OPRK1: variants seen among roughly 807,000 people sequenced by gnomAD.
The protein encoded by OPRK1 is kappa-type opioid receptor.
OPRK1 carries 15 observed loss-of-function variants against 24.5 expected under a neutral mutation model. The observed-to-expected ratio is 0.61, with a 90% CI of 0.41 to 0.94. The LOEUF is 0.94. Ranked by LOEUF, OPRK1 falls within the 40% of genes least tolerant of loss-of-function variation. The pLI is 0.00. For synonymous variants in OPRK1, 205 were observed against 198.0 expected (o/e 1.04, Z -0.30); for missense variants, 479 against 507.3 (o/e 0.94, Z 0.54).
chr8:53,242,785 C>T (rs1268542477), intron 2 of OPRK1: 1 of 1,207,622 alleles, frequency 8.3e-7, no homozygotes, highest in Non-Finnish European at 1.1e-6. Flanking sequence ...GGATTACGGG[C>T]CTGAGCCACC....
intron 3 of OPRK1, among the ~76,000 whole-genome samples, chr8:53,232,697 C>A (rs1806884764): frequency 6.6e-6 from 1 of 152,118 alleles, no homozygotes; most frequent in South Asian, 2.1e-4. Flanking sequence ...TATCAGAGGG[C>A]TGTGGCTTCT....
At chr8:53,244,043 GAGA>G (rs771028927) in intron 2 of OPRK1, among the ~76,000 whole-genome samples, 13 of 152,200 alleles carry the variant, frequency 8.5e-5, no homozygotes, top group Non-Finnish European at 1.5e-4. Context: ...TTCAATGATG[GAGA>G]AGAAGAAACT....
intron 3 of OPRK1, among the ~76,000 whole-genome samples, chr8:53,232,900 A>G (rs1806890874): frequency 6.6e-6 from 1 of 152,246 alleles, no homozygotes; most frequent in African/African-American, 2.4e-5. Flanking sequence ...ACACACATAT[A>G]CTACAGTATG....
Position 53,234,922 on chromosome 8 carries a change from C to T in OPRK1, c.447G>A (p.Leu149=), listed in dbSNP as rs1306799087. 1.2e-6 allele frequency: 2 copies of T among 1,613,972 alleles called. No individual in the cohort carries two copies. The highest frequency in any genetic ancestry group is 2.7e-5 in the African/African-American group (2 of 74,878). Residue 149 remains leucine (L), a synonymous_variant, in exon 3 of 4, where the codon TTG becomes TTA. Coordinates refer to ENST00000265572, the MANE Select transcript of OPRK1 (RefSeq NM_000912.5). The part of the protein sequence containing the change: ...YYNMFTSIFT[L]TMMSVDRYIA... ...TGTAGCGGTCCACGCTCATCATGGT[C>T]AAGGTGAAGATGCTGGTGAACATGT...
chr8:53,227,895 G>A lies in OPRK1; in HGVS notation c.*1402C>T, dbSNP rs201762918. 1 of 152,176 alleles carries A rather than the reference G, an allele frequency of 6.6e-6. No individual in the cohort carries two copies. Among genetic ancestry groups the A allele is most frequent in the Middle Eastern group, 3.4e-3 (1 of 292 alleles). 9.4% of individuals were successfully genotyped at this position (152,176 alleles called of 1,614,324 possible). On this transcript the variant is annotated 3_prime_UTR_variant, in exon 4 of 4. Transcript: ENST00000265572. ...CCCTAGTAATATATAGGCTTGGAGT[G>A]TTATTTCTAAATTATCCCTTTTTTC... is the stretch of plus-strand genomic sequence containing the variant.
chr8:53,239,363 C>G (rs62505379), intron 2 of OPRK1, among the ~76,000 whole-genome samples: 18,206 of 152,160 alleles, frequency 0.12, 1,454 homozygotes, highest in African/African-American at 0.24. Context: ...AGGAAATCAG[C>G]ACATATTCTG....
intron 3 of OPRK1, among the ~76,000 whole-genome samples, chr8:53,232,870 T>C (rs114406138): frequency 0.019 from 2,821 of 152,332 alleles, 91 homozygotes; most frequent in African/African-American, 0.064. Flanking sequence ...AAGAGCAGAC[T>C]ATGAATCCTC....
chr8:53,233,707 A>T (rs957302524), intron 3 of OPRK1, among the ~76,000 whole-genome samples: 3 of 152,164 alleles, frequency 2.0e-5, no homozygotes, highest in African/African-American at 7.2e-5. Context: ...AAACTCCTAG[A>T]ACAGTACCTC....
At chr8:53,242,821 A>G in intron 2 of OPRK1, 3 of 1,256,220 alleles carry the variant, frequency 2.4e-6, no homozygotes, top group Non-Finnish European at 2.1e-6. Context: ...AGCCATTCTT[A>G]ATCCAAGGCT....
In OPRK1 at chr8:53,234,813, A is replaced by T; in HGVS notation, c.556T>A (p.Ser186Thr). 6.2e-7 allele frequency: 1 copy of T among 1,614,240 alleles called. No homozygotes were observed. The highest frequency in any genetic ancestry group is 8.5e-7 in the Non-Finnish European group (1 of 1,180,046). The stretch of plus-strand genomic sequence containing the variant: ...ATTGCAGAGATGCCAACAGATGACG[A>T]CAGCAGCCAGATGCAGATATTGATG... ...KIINICIWLLSSSVGISAIVL... is the reference protein window; with the variant it reads ...KIINICIWLLTSSVGISAIVL... The change falls in exon 3 of 4, where the codon TCG becomes ACG. Residue 186 changes from serine (S) to threonine (T), a missense_variant. Ser to Thr is a moderately conservative substitution (Grantham distance 58, BLOSUM62 1). Transcript: ENST00000265572.
chr8:53,251,085 G>T lies in OPRK1; in HGVS notation c.-48C>A. The stretch of plus-strand genomic sequence containing the variant: ...GGCGAGGACAGGCGGCACCTGCGGC[G>T]CTGCGGGAGCGAAAGAACCGGCTGG... On this transcript the variant is annotated splice_region_variant and 5_prime_UTR_variant, in exon 2 of 4. Coordinates refer to ENST00000265572, the MANE Select transcript of OPRK1 (RefSeq NM_000912.5). The T allele has an allele frequency of 2.1e-6, 3 of 1,440,242 alleles. No individual in the cohort carries two copies. The highest frequency in any genetic ancestry group is 1.8e-6 in the Non-Finnish European group (2 of 1,103,482). 89.2% of individuals were successfully genotyped at this position (1,440,242 alleles called of 1,614,324 possible). A position where few individuals can be genotyped will look rare whatever the true frequency, so the allele number is the denominator to read the frequency against.
chr8:53,249,006 T>A (rs549632101), intron 2 of OPRK1, among the ~76,000 whole-genome samples: 2 of 151,966 alleles, frequency 1.3e-5, no homozygotes, highest in South Asian at 4.2e-4. Flanking sequence ...ATCTACAGGA[T>A]TTTTTTTTCC....
intron 2 of OPRK1, chr8:53,238,643 T>C (rs1585633642): frequency 2.0e-6 from 2 of 985,336 alleles, no homozygotes; most frequent in East Asian, 2.3e-4. Context: ...AGCGTACTTC[T>C]CTTTACAGAG....
chr8:53,250,837 G>C lies in OPRK1; in HGVS notation c.201C>G (p.Ser67=). The C allele has an allele frequency of 6.2e-7, 1 of 1,613,380 alleles. No homozygotes were observed. The highest frequency in any genetic ancestry group is 8.5e-7 in the Non-Finnish European group (1 of 1,179,674). The part of the protein sequence containing the change: ...AIPVIITAVY[S]VVFVVGLVGN... ...CCACCAAGCCCACGACGAACACTACGGAGTAGACCGCCGTGATGATGACCG... is the reference window on the plus strand; with the variant it reads ...CCACCAAGCCCACGACGAACACTACCGAGTAGACCGCCGTGATGATGACCG... The change falls in exon 2 of 4, where the codon TCC becomes TCG. Residue 67 remains serine (S), a synonymous_variant. Coordinates refer to ENST00000265572, the MANE Select transcript of OPRK1 (RefSeq NM_000912.5).
chr8:53,250,726 G>A, intron 2 of OPRK1, 55 bp downstream of exon 2: 3 of 1,506,574 alleles, frequency 2.0e-6, no homozygotes, highest in Non-Finnish European at 2.7e-6. Context: ...GGCGGGGCCT[G>A]ACCCTCACTC....
chr8:53,247,329 C>T (rs1233919313), intron 2 of OPRK1, among the ~76,000 whole-genome samples: 1 of 152,162 alleles, frequency 6.6e-6, no homozygotes, highest in Non-Finnish European at 1.5e-5. Flanking sequence ...ATTCTGGCCC[C>T]GTGAGTTACC....
intron 2 of OPRK1, among the ~76,000 whole-genome samples, chr8:53,237,987 A>C (rs1284110106): frequency 1.3e-5 from 2 of 152,202 alleles, no homozygotes; most frequent in African/African-American, 2.4e-5. Flanking sequence ...GAAGGGGAGA[A>C]CTCATGAGTA....
chr8:53,242,592 C>T (rs535218737), intron 2 of OPRK1: 15 of 179,538 alleles, frequency 8.4e-5, no homozygotes, highest in Admixed American at 4.8e-4. Flanking sequence ...CTGCAAGCTC[C>T]GCCTCCCGGG....
chr8:53,248,833 TTCA>T (rs989092224), intron 2 of OPRK1, among the ~76,000 whole-genome samples: 1 of 152,200 alleles, frequency 6.6e-6, no homozygotes, highest in Non-Finnish European at 1.5e-5. Flanking sequence ...TCGCTTTTCA[TTCA>T]TCATCAAACG....
Sources: gnomAD v4.1 joint callset for allele counts (sites outside exome capture counted in the v4.1 genomes callset) on GRCh38, gnomAD v4.1.1 for gene constraint, MANE v1.5 for transcripts, NCBI Gene and HGNC (gene_info 2026-07-23, HGNC 2026-07-21) for gene names.